GAS7: variants seen among roughly 807,000 people sequenced by gnomAD.
GAS7 encodes growth arrest specific 7.
Under a neutral mutation model 71.1 loss-of-function variants are expected in GAS7, and 28 were observed. The observed-to-expected ratio is 0.39, with a 90% confidence interval of 0.29 to 0.54. GAS7 has a LOEUF of 0.54. Among genes scored for constraint, GAS7 ranks in the 20% least tolerant of loss-of-function variants. The pLI is 0.62. For synonymous variants in GAS7, 258 were observed against 245.8 expected (o/e 1.05, Z -0.46); for missense variants, 436 against 627.8 (o/e 0.69, Z 3.27).
chr17:10,148,803 C>T (rs1278305417), intron 1 of GAS7, among the ~76,000 whole-genome samples: 1 of 144,534 alleles, frequency 6.9e-6, no homozygotes, highest in Non-Finnish European at 1.5e-5. Context: ...CCAGCTACTC[C>T]GGAGGCTGAG....
intron 1 of GAS7, among the ~76,000 whole-genome samples, chr17:10,124,204 C>T (rs1011839307): frequency 6.6e-6 from 1 of 152,218 alleles, no homozygotes; most frequent in African/African-American, 2.4e-5. Context: ...CGGGGCCTTG[C>T]ACTCAACAAG....
Position 9,950,485 on chromosome 17 carries a change from C to T in GAS7, c.526-3502G>A, listed in dbSNP as rs369503689. Reference sequence around the variant, plus strand: ...TATGATTATATCACTGCACTTTAGCCTAAGTTAAAAAAAAATCCTGTCAAA... The same window carrying T: ...TATGATTATATCACTGCACTTTAGCTTAAGTTAAAAAAAAATCCTGTCAAA... On this transcript the variant is annotated intron_variant, in intron 5 of 13. Transcript: ENST00000432992. Among the ~76,000 whole-genome samples, 195 of 152,038 alleles carry T rather than the reference C, an allele frequency of 1.3e-3. 1 individual carries two copies. The highest frequency in any genetic ancestry group is 2.0e-3 in the Non-Finnish European group (137 of 67,988).
intron 1 of GAS7, among the ~76,000 whole-genome samples, chr17:10,086,908 C>T (rs977166611): frequency 3.9e-5 from 6 of 152,164 alleles, no homozygotes; most frequent in Non-Finnish European, 7.3e-5. Context: ...GCCAAAGCAA[C>T]CCCAGTGTCC....
Position 9,911,504 on chromosome 17 carries a change from A to T in GAS7, c.*5724T>A. 1 of 233,542 alleles carries T rather than the reference A, an allele frequency of 4.3e-6. No individual in the cohort carries two copies. Among genetic ancestry groups the T allele is most frequent in the Non-Finnish European group, 8.5e-6 (1 of 118,200 alleles). 14.5% of individuals were successfully genotyped at this position (233,542 alleles called of 1,614,324 possible). ...CCCCAACCTCACCCCACCCCCAGAG[A>T]CACCTCCCAGGAAGCCCTCCTGACA... On this transcript the variant is annotated 3_prime_UTR_variant, in exon 14 of 14. Coordinates refer to ENST00000432992, the MANE Select transcript of GAS7 (RefSeq NM_201433.2). This position sits in a 1 kb window ranked among gnomAD's most constrained non-coding sequence, Gnocchi z 4.0.
In GAS7 at chr17:9,919,576, C is replaced by T. The variant is rs200012153; in HGVS notation, c.1218+50G>A. ...GCCCACCAACAACCACCAGGGGCTG[C>T]TCTGTGTCAGCCTCTGTACTGCCAT... On this transcript the variant is annotated intron_variant, in intron 12 of 13. Coordinates refer to ENST00000432992, the MANE Select transcript of GAS7 (RefSeq NM_201433.2). This position sits in a 1 kb window ranked among gnomAD's most constrained non-coding sequence, Gnocchi z 5.0. 8.0e-5 allele frequency: 107 copies of T among 1,330,578 alleles called. No homozygotes were observed. Among genetic ancestry groups the T allele is most frequent in the Non-Finnish European group, 1.1e-4 (105 of 920,578 alleles). The allele number at this position is 1,330,578 out of a possible 1,614,324, so 82.4% of individuals were successfully genotyped here.
intron 2 of GAS7, among the ~76,000 whole-genome samples, chr17:9,996,159 G>C (rs1324644204): frequency 2.0e-5 from 3 of 152,110 alleles, no homozygotes; most frequent in South Asian, 2.1e-4. Flanking sequence ...CAATAGCAAA[G>C]ACTTGGAACC....
At chr17:10,138,546 T>C (rs1265415983) in intron 1 of GAS7, among the ~76,000 whole-genome samples, 3 of 151,940 alleles carry the variant, frequency 2.0e-5, no homozygotes, top group Non-Finnish European at 4.4e-5. Flanking sequence ...GGGCAGATCA[T>C]GGGGTCAGGA....
In GAS7 at chr17:10,034,655, C is replaced by T. The variant is rs1208544289; in HGVS notation, c.184-14758G>A. Among the ~76,000 whole-genome samples, 1 of 151,986 alleles carries T rather than the reference C, an allele frequency of 6.6e-6. No individual in the cohort carries two copies. Among genetic ancestry groups the T allele is most frequent in the East Asian group, 2.0e-4 (1 of 5,102 alleles). ...TTAGTATATATGTTTTAAGGACATG[C>T]CATTTTAATAGGAGAAAAAAAGTCA... On this transcript the variant is annotated intron_variant, in intron 1 of 13. Transcript: ENST00000432992. The surrounding 1 kb of genome is among the most constrained non-coding windows in gnomAD (Gnocchi z 4.4).
Position 9,917,951 on chromosome 17 carries a change from T to A in GAS7, c.1317+50A>T, listed in dbSNP as rs1597437282. 19 of 1,339,674 alleles carry A rather than the reference T, an allele frequency of 1.4e-5. No homozygotes were observed. In the East Asian group the frequency reaches 4.1e-4, roughly 29 times the overall value. The allele number at this position is 1,339,674 out of a possible 1,614,324, so 83.0% of individuals were successfully genotyped here. On this transcript the variant is annotated intron_variant, in intron 13 of 13. Transcript: ENST00000432992. The stretch of plus-strand genomic sequence containing the variant: ...CTGCCACGGCCTAGCGCCAGGCGGC[T>A]CTCCCCAGGCCCCGTGTCGCCCGGG...
chr17:10,003,397 T>G (rs1293330625), intron 2 of GAS7, among the ~76,000 whole-genome samples: 1 of 152,242 alleles, frequency 6.6e-6, no homozygotes, highest in Non-Finnish European at 1.5e-5. Flanking sequence ...CTGTACCAGT[T>G]GGAAAACTGC....
chr17:9,938,733 AC>A (rs1428961268), intron 8 of GAS7, among the ~76,000 whole-genome samples: 1 of 151,876 alleles, frequency 6.6e-6, no homozygotes, highest in Non-Finnish European at 1.5e-5. Flanking sequence ...ATGAATACAC[AC>A]CCCAAAAGGA....
At chr17:10,025,852 C>T (rs143313752) in intron 1 of GAS7, among the ~76,000 whole-genome samples, 1 of 152,286 alleles carries the variant, frequency 6.6e-6, no homozygotes, top group Non-Finnish European at 1.5e-5. Flanking sequence ...AAAAACATCA[C>T]TTCTGAAATG....
chr17:10,078,082 T>G (rs58078048), intron 1 of GAS7, among the ~76,000 whole-genome samples: 39,169 of 132,294 alleles, frequency 0.3, 5,550 homozygotes, highest in African/African-American at 0.37. Flanking sequence ...TGTGTGTGTT[T>G]TGTTTTGTTT....
Position 10,104,771 on chromosome 17 carries a change from C to T in GAS7, c.184-84874G>A, listed in dbSNP as rs2073741186. 2.0e-5 allele frequency among the ~76,000 whole-genome samples: 3 copies of T among 152,222 alleles called. No homozygotes were observed. The South Asian group carries it at 6.2e-4, about 32-fold the overall frequency. On this transcript the variant is annotated intron_variant, in intron 1 of 13. Coordinates refer to ENST00000432992, the MANE Select transcript of GAS7 (RefSeq NM_201433.2). ...TCACCTATCAGTTCTATCTCTAAAA[C>T]ATCCTGATCCATCCACATTTTCCTT...
intron 2 of GAS7, among the ~76,000 whole-genome samples, chr17:9,987,472 G>A (rs1412305988): frequency 1.3e-5 from 2 of 152,200 alleles, no homozygotes; most frequent in Non-Finnish European, 2.9e-5. Context: ...GAATGCCAGT[G>A]TCTACCCCAC....
intron 1 of GAS7, among the ~76,000 whole-genome samples, chr17:10,133,122 A>ATATATATATAT (rs1392845338): frequency 8.4e-5 from 10 of 118,924 alleles, no homozygotes; most frequent in East Asian, 2.2e-4. Context: ...ATATTTTTAT[A>ATATATATATAT]TTTTTTTTTT....
Position 9,926,867 on chromosome 17 carries a change from C to G in GAS7, c.886-98G>C, listed in dbSNP as rs901637736. The G allele has an allele frequency of 4.5e-6, 6 of 1,332,886 alleles. No individual in the cohort carries two copies. Among genetic ancestry groups the G allele is most frequent in the Non-Finnish European group, 6.4e-6 (6 of 930,988 alleles). 82.6% of individuals were successfully genotyped at this position (1,332,886 alleles called of 1,614,324 possible). A position where few individuals can be genotyped will look rare whatever the true frequency, so the allele number is the denominator to read the frequency against. ...GGAGGGGCACCCCCACTTCCCCAGG[C>G]AAGTGAGGATGAGTCTGGGGTAGCG... is the stretch of plus-strand genomic sequence containing the variant. On this transcript the variant is annotated intron_variant, in intron 9 of 13. Transcript: ENST00000432992. The surrounding 1 kb of genome is among the most constrained non-coding windows in gnomAD (Gnocchi z 5.0).
intron 1 of GAS7, among the ~76,000 whole-genome samples, chr17:10,197,510 C>T (rs1028392216): frequency 2.0e-5 from 3 of 152,168 alleles, no homozygotes; most frequent in South Asian, 4.1e-4. Context: ...AACAGCCAGC[C>T]GCCTTGCCTC....
intron 1 of GAS7, among the ~76,000 whole-genome samples, chr17:10,084,785 T>C (rs1415343232): frequency 6.6e-6 from 1 of 152,162 alleles, no homozygotes; most frequent in African/African-American, 2.4e-5. Flanking sequence ...TATATCTTAA[T>C]AGCAGCCCGC....
Sources: gnomAD v4.1 joint callset for allele counts (sites outside exome capture counted in the v4.1 genomes callset) on GRCh38, gnomAD v4.1.1 for gene constraint, Gnocchi (gnomAD v3.1) non-coding constraint, MANE v1.5 for transcripts, NCBI Gene and HGNC (gene_info 2026-07-23, HGNC 2026-07-21) for gene names.